Variants in ARHGDIB observed in about 807,000 individuals in gnomAD.
ARHGDIB encodes rho GDP-dissociation inhibitor 2.
In ARHGDIB, 20 loss-of-function variants were observed where a neutral mutation model predicts 22.6. The ratio of observed to expected loss-of-function variants is 0.88; its 90% CI spans 0.62 to 1.28. The LOEUF is 1.28. ARHGDIB is among the 50% of genes most tolerant of loss of function. ARHGDIB has a pLI of 0.00. For synonymous variants in ARHGDIB, 114 were observed against 96.1 expected, an observed-to-expected ratio of 1.19 and a Z score of -1.09; for missense variants, 254 against 245.4, an observed-to-expected ratio of 1.04 and a Z score of -0.23.
chr12:14,946,326 G>A (rs1207992550), intron 4 of ARHGDIB, among the ~76,000 whole-genome samples: 1 of 152,204 alleles, frequency 6.6e-6, no homozygotes, highest in Non-Finnish European at 1.5e-5. Context: ...GTGCTAAGAA[G>A]TTTGGGAGGA....
chr12:14,944,625 C>T, intron 5 of ARHGDIB, 151 bp downstream of exon 5: 1 of 645,590 alleles, frequency 1.5e-6, no homozygotes, highest in Non-Finnish European at 2.6e-6. Context: ...ATGTCTATAT[C>T]AGAGGTGTAT....
intron 1 of ARHGDIB, among the ~76,000 whole-genome samples, chr12:14,960,971 G>C (rs908787069): frequency 1.3e-5 from 2 of 152,146 alleles, no homozygotes; most frequent in Non-Finnish European, 2.9e-5. Context: ...GCACTCTAAG[G>C]GAGGATTTCA....
In ARHGDIB at chr12:14,943,056, C is replaced by T. The variant is rs559210757; in HGVS notation, c.407-335G>A. The stretch of plus-strand genomic sequence containing the variant: ...GCTAATTTTGTATTTTTAGTAGAGA[C>T]GGGGTTTCTCCATGTTGGTCAGGCT... On this transcript the variant is annotated intron_variant, in intron 5 of 5. Transcript: ENST00000228945. Among the ~76,000 whole-genome samples, 658 of 152,078 alleles carry T rather than the reference C, an allele frequency of 4.3e-3. 2 individuals carry two copies. The highest frequency in any genetic ancestry group is 0.01 in the Middle Eastern group (3 of 294).
In ARHGDIB at chr12:14,948,100, GCACACACA is replaced by G. The variant is rs56206040; in HGVS notation, c.266-159_266-152del. 3.9e-3 allele frequency: 1,701 copies of G among 436,976 alleles called. 14 individuals are homozygous for G. Among genetic ancestry groups the G allele is most frequent in the African/African-American group, 0.02 (964 of 47,434 alleles). The allele number at this position is 436,976 out of a possible 1,614,324, so 27.1% of individuals were successfully genotyped here. On this transcript the variant is annotated intron_variant, in intron 3 of 5. Transcript: ENST00000228945. ...CACAGAGTATTTGAGTTTAGTCCTT[GCACACACA>G]CACACACACACACACACACACACAC... is the stretch of plus-strand genomic sequence containing the variant.
At chr12:14,953,466 C>T (rs77344322) in intron 1 of ARHGDIB, among the ~76,000 whole-genome samples, 2,366 of 152,262 alleles carry the variant, frequency 0.016, 52 homozygotes, top group African/African-American at 0.052. Context: ...CACTGTACTT[C>T]AGCCATACTG....
At chr12:14,947,710 A>G (rs1473862196) in intron 4 of ARHGDIB, 163 bp downstream of exon 4, 10 of 612,338 alleles carry the variant, frequency 1.6e-5, no homozygotes, top group Non-Finnish European at 2.9e-5. Context: ...GTGGGTCTCA[A>G]CAGGTAGCCC....
rs750671560 is a variant in ARHGDIB, at chr12:14,942,495, C to T, written c.*27G>A. ...CGCCTGAGAGAATTCTTCCAGGTGGCAAGGGTGGGGAAAGGGGTGGATGCA... is the reference window on the plus strand; with the variant it reads ...CGCCTGAGAGAATTCTTCCAGGTGGTAAGGGTGGGGAAAGGGGTGGATGCA... On this transcript the variant is annotated 3_prime_UTR_variant, in exon 6 of 6. Coordinates refer to ENST00000228945, the MANE Select transcript of ARHGDIB (RefSeq NM_001175.7). 4.3e-6 allele frequency: 7 copies of T among 1,612,754 alleles called. No individual in the cohort carries two copies. Among genetic ancestry groups the T allele is most frequent in the Non-Finnish European group, 5.1e-6 (6 of 1,179,346 alleles).
intron 3 of ARHGDIB, chr12:14,948,795 T>C (rs928594954): frequency 1.3e-5 from 2 of 152,270 alleles, no homozygotes; most frequent in African/African-American, 2.4e-5. Context: ...AACTGGCAGC[T>C]GTACCTGGTA....
In ARHGDIB at chr12:14,950,576, A is replaced by G; in HGVS notation, c.137T>C (p.Ile46Thr). ...TCCCAGCAGCGTTTTCTTGTACTTA[A>G]TTAGACTCTCATCATCTTTGTCCAT... ...QEMDKDDESLIKYKKTLLGDG... is the reference protein window; with the variant it reads ...QEMDKDDESLTKYKKTLLGDG... The change falls in exon 2 of 6, where the codon ATT becomes ACT. Residue 46 changes from isoleucine to threonine, a missense_variant. Coordinates refer to ENST00000228945, the MANE Select transcript of ARHGDIB (RefSeq NM_001175.7). 6.2e-7 allele frequency: 1 copy of G among 1,613,954 alleles called. No homozygotes were observed. Among genetic ancestry groups the G allele is most frequent in the Non-Finnish European group, 8.5e-7 (1 of 1,179,920 alleles).
chr12:14,953,525 T>A (rs1864228448), intron 1 of ARHGDIB, among the ~76,000 whole-genome samples: 1 of 152,180 alleles, frequency 6.6e-6, no homozygotes, highest in Non-Finnish European at 1.5e-5. Context: ...AGTTGGGCAA[T>A]CTAACTATAC....
intron 3 of ARHGDIB, 118 bp from the exon 4 acceptor site, chr12:14,948,067 C>G: frequency 4.4e-6 from 3 of 686,100 alleles, no homozygotes; most frequent in East Asian, 2.8e-5. Context: ...TTCACAGGGC[C>G]CTCAATTCAC....
At chr12:14,961,007 A>G (rs1212418877) in intron 1 of ARHGDIB, 1 of 152,232 alleles carries the variant, frequency 6.6e-6, no homozygotes, top group Non-Finnish European at 1.5e-5. Flanking sequence ...ATATCACCAG[A>G]AAATTATTTA....
chr12:14,949,624 G>A (rs1445698738), intron 3 of ARHGDIB, among the ~76,000 whole-genome samples, 178 bp downstream of exon 3: 1 of 152,126 alleles, frequency 6.6e-6, no homozygotes, highest in Non-Finnish European at 1.5e-5. Flanking sequence ...ATAAAGATTG[G>A]GCTTTTCATG....
chr12:14,947,131 G>A (rs1385491287), intron 4 of ARHGDIB, among the ~76,000 whole-genome samples: 1 of 152,174 alleles, frequency 6.6e-6, no homozygotes, highest in African/African-American at 2.4e-5. Flanking sequence ...GAGGCTAAGT[G>A]GGAATGAGAG....
At chr12:14,943,078 G>A (rs1479478086) in intron 5 of ARHGDIB, among the ~76,000 whole-genome samples, 1 of 152,114 alleles carries the variant, frequency 6.6e-6, no homozygotes, top group Non-Finnish European at 1.5e-5. Context: ...ATGTTGGTCA[G>A]GCTGGTCTCG....
intron 4 of ARHGDIB, chr12:14,947,630 G>C (rs1392789759): frequency 1.3e-5 from 6 of 448,940 alleles, no homozygotes; most frequent in Non-Finnish European, 2.4e-5. Context: ...AGTTCACAGA[G>C]GGATCCCATT....
intron 3 of ARHGDIB, 118 bp from the exon 4 acceptor site, chr12:14,948,067 C>T (rs1864066421): frequency 2.9e-6 from 2 of 685,980 alleles, no homozygotes; most frequent in Admixed American, 4.2e-5. Context: ...TTCACAGGGC[C>T]CTCAATTCAC....
intron 1 of ARHGDIB, among the ~76,000 whole-genome samples, chr12:14,952,113 C>A (rs1384067510): frequency 3.3e-5 from 5 of 152,170 alleles, no homozygotes; most frequent in Non-Finnish European, 7.4e-5. Flanking sequence ...ATGTCTGTCA[C>A]ATCACATCCT....
chr12:14,946,969 G>A (rs1484006122), intron 4 of ARHGDIB, among the ~76,000 whole-genome samples: 1 of 152,122 alleles, frequency 6.6e-6, no homozygotes, highest in Non-Finnish European at 1.5e-5. Context: ...AATATTTCCA[G>A]GATGAAATTA....
Sources: gnomAD v4.1 joint callset for allele counts (sites outside exome capture counted in the v4.1 genomes callset) on GRCh38, gnomAD v4.1.1 for gene constraint, MANE v1.5 for transcripts, NCBI Gene and HGNC (gene_info 2026-07-23, HGNC 2026-07-21) for gene names.